SCARB1: variants seen among roughly 807,000 people sequenced by gnomAD.
The protein encoded by SCARB1 is scavenger receptor class B member 1.
In SCARB1, 30 loss-of-function variants were observed where a neutral mutation model predicts 57.2. The observed-to-expected ratio is 0.52, with a 90% CI of 0.39 to 0.71. The LOEUF is 0.71. Ranked by LOEUF, SCARB1 falls within the 30% of genes least tolerant of loss-of-function variation. SCARB1 has a pLI of 0.00. For missense variants in SCARB1, 543 were observed against 671.2 expected, an observed-to-expected ratio of 0.81 and a Z score of 2.11; for synonymous variants, 249 against 268.3, an observed-to-expected ratio of 0.93 and a Z score of 0.70.
At chr12:124,859,768 G>A (rs960232948) in intron 1 of SCARB1, among the ~76,000 whole-genome samples, 3 of 152,068 alleles carry the variant, frequency 2.0e-5, no homozygotes, top group East Asian at 1.9e-4. Flanking sequence ...CCAGGAGTTC[G>A]AGACCAGCCT....
chr12:124,809,559 A>T (rs1472364086), intron 6 of SCARB1, among the ~76,000 whole-genome samples: 1 of 152,162 alleles, frequency 6.6e-6, no homozygotes, highest in African/African-American at 2.4e-5. Context: ...CCTCCTGGGG[A>T]ACGGAGACTT....
At chr12:124,802,686 G>A (rs1345754724) in intron 7 of SCARB1, among the ~76,000 whole-genome samples, 2 of 152,218 alleles carry the variant, frequency 1.3e-5, no homozygotes, top group Non-Finnish European at 2.9e-5. Flanking sequence ...CTTCCCAGCT[G>A]TAAGTGGTAA....
At chr12:124,857,720 G>C (rs186879948) in intron 1 of SCARB1, among the ~76,000 whole-genome samples, 1 of 152,194 alleles carries the variant, frequency 6.6e-6, no homozygotes, top group Non-Finnish European at 1.5e-5. Context: ...CTACCCCAGG[G>C]GAAACAAAAG....
At chr12:124,795,080 TC>T in intron 9 of SCARB1, 114 bp downstream of exon 9, 1 of 888,388 alleles carries the variant, frequency 1.1e-6, no homozygotes, top group Middle Eastern at 2.2e-4. Context: ...TAGGACCCTC[TC>T]CCCTCCCCAT....
In SCARB1 at chr12:124,817,419, G is replaced by A. The variant is rs1423314179; in HGVS notation, c.284+131C>T. 9 of 597,266 alleles carry A rather than the reference G, an allele frequency of 1.5e-5. No individual in the cohort carries two copies. The highest frequency in any genetic ancestry group is 5.3e-5 in the East Asian group (1 of 19,022). The allele number at this position is 597,266 out of a possible 1,614,324, so 37.0% of individuals were successfully genotyped here. A position where few individuals can be genotyped will look rare whatever the true frequency, so the allele number is the denominator to read the frequency against. On this transcript the variant is annotated intron_variant, in intron 2 of 12. Coordinates refer to ENST00000261693, the MANE Select transcript of SCARB1 (RefSeq NM_005505.5). The surrounding 1 kb of genome is among the most constrained non-coding windows in gnomAD (Gnocchi z 4.8). The stretch of plus-strand genomic sequence containing the variant: ...CTTCTCTGGGACTAGCACTTACCCC[G>A]ACTATGACTTGCCTGCTTCCGGAAC...
chr12:124,787,271 C>A, intron 10 of SCARB1, 135 bp downstream of exon 10: 1 of 752,030 alleles, frequency 1.3e-6, no homozygotes, highest in Non-Finnish European at 2.3e-6. Context: ...TTCTGATACG[C>A]TGGTCCATGT....
chr12:124,852,725 A>C (rs1256100017), intron 1 of SCARB1, among the ~76,000 whole-genome samples: 1 of 152,264 alleles, frequency 6.6e-6, no homozygotes, highest in Non-Finnish European at 1.5e-5. Flanking sequence ...CTCAGAAGGG[A>C]ATAGCATGGT....
intron 1 of SCARB1, among the ~76,000 whole-genome samples, chr12:124,818,085 G>T (rs1232777494): frequency 6.6e-6 from 1 of 152,144 alleles, no homozygotes; most frequent in African/African-American, 2.4e-5. Flanking sequence ...TGGCCAGGGG[G>T]ATCATTCATT....
chr12:124,848,848 G>C (rs918547383), intron 1 of SCARB1, among the ~76,000 whole-genome samples: 1 of 152,164 alleles, frequency 6.6e-6, no homozygotes, highest in African/African-American at 2.4e-5. Context: ...AGAAACCCAC[G>C]GTGCAGCAAA....
intron 1 of SCARB1, among the ~76,000 whole-genome samples, chr12:124,837,704 T>G (rs1319419946): frequency 1.3e-5 from 2 of 150,582 alleles, no homozygotes; most frequent in African/African-American, 4.9e-5. Flanking sequence ...CTGGGCAACA[T>G]AGTGAGGACC....
chr12:124,816,063 C>T (rs1230574739), intron 2 of SCARB1, among the ~76,000 whole-genome samples: 1 of 152,138 alleles, frequency 6.6e-6, no homozygotes, highest in Non-Finnish European at 1.5e-5. Flanking sequence ...ATGCTCTGCC[C>T]GGGACTCTGT....
chr12:124,782,477 G>A (rs1332289234), intron 12 of SCARB1, among the ~76,000 whole-genome samples: 3 of 152,042 alleles, frequency 2.0e-5, no homozygotes, highest in Non-Finnish European at 2.9e-5. Flanking sequence ...TTGCCCTCTG[G>A]GATCAAAAAA....
At chr12:124,853,124 G>A (rs74500399) in intron 1 of SCARB1, among the ~76,000 whole-genome samples, 1 of 152,028 alleles carries the variant, frequency 6.6e-6, no homozygotes, top group Admixed American at 6.6e-5. Context: ...GCTTCAAAAG[G>A]TTACATTTAA....
intron 1 of SCARB1, among the ~76,000 whole-genome samples, chr12:124,849,916 T>C (rs991820409): frequency 5.9e-5 from 5 of 84,172 alleles, no homozygotes; most frequent in African/African-American, 2.3e-4. Flanking sequence ...ATCTAAAAAT[T>C]AGCTGGGCAT....
chr12:124,841,039 C>T (rs932490999), intron 1 of SCARB1, among the ~76,000 whole-genome samples: 9 of 152,094 alleles, frequency 5.9e-5, no homozygotes, highest in Non-Finnish European at 1.2e-4. Flanking sequence ...TGTAGTGGCA[C>T]GCACGTGTAA....
chr12:124,800,114 AG>A lies in SCARB1; in HGVS notation c.1128+9del, dbSNP rs1950079276. The A allele has an allele frequency of 6.3e-7, 1 of 1,595,544 alleles. No homozygotes were observed. The highest frequency in any genetic ancestry group is 8.6e-7 in the Non-Finnish European group (1 of 1,163,404). On this transcript the variant is annotated intron_variant, in intron 8 of 12. Transcript: ENST00000261693. The surrounding 1 kb of genome is among the most constrained non-coding windows in gnomAD (Gnocchi z 4.8). ...TCACCCACCCCCCACAGAGGATGGC[AG>A]GGGCTCACCGGGTGGATGTCCAGGA...
chr12:124,830,926 C>T (rs1251184826), intron 1 of SCARB1, among the ~76,000 whole-genome samples: 1 of 151,864 alleles, frequency 6.6e-6, no homozygotes, highest in African/African-American at 2.4e-5. Flanking sequence ...AATTCTCCTG[C>T]CTCAGCCTCC....
intron 1 of SCARB1, among the ~76,000 whole-genome samples, chr12:124,831,792 G>A (rs1156981955): frequency 6.6e-6 from 1 of 152,238 alleles, no homozygotes; most frequent in African/African-American, 2.4e-5. Flanking sequence ...TTGACATAAT[G>A]TGCTGGGAAC....
At chr12:124,779,185 G>A (rs1273716324) in intron 12 of SCARB1, among the ~76,000 whole-genome samples, 1 of 152,184 alleles carries the variant, frequency 6.6e-6, no homozygotes, top group Non-Finnish European at 1.5e-5. Flanking sequence ...CTGGGCTCAG[G>A]CGATCCTCTC....
Sources: gnomAD v4.1 joint callset for allele counts (sites outside exome capture counted in the v4.1 genomes callset) on GRCh38, gnomAD v4.1.1 for gene constraint, Gnocchi (gnomAD v3.1) non-coding constraint, MANE v1.5 for transcripts, NCBI Gene and HGNC (gene_info 2026-07-23, HGNC 2026-07-21) for gene names.